EXOSC6: variants seen among roughly 807,000 people sequenced by gnomAD.
EXOSC6 encodes the protein exosome complex component MTR3.
Under a neutral mutation model 16.7 loss-of-function variants are expected in EXOSC6, and 21 were observed. The observed-to-expected ratio is 1.26, with a 90% CI of 0.89 to 1.82. The LOEUF is 1.82. EXOSC6 is among the 40% of genes most tolerant of loss of function. The pLI, the probability that EXOSC6 is intolerant of heterozygous loss-of-function variation, is 0.00. For missense variants in EXOSC6, 538 were observed against 415.7 expected, an observed-to-expected ratio of 1.29 and a Z score of -2.56; for synonymous variants, 297 against 217.1, an observed-to-expected ratio of 1.37 and a Z score of -3.24.
In EXOSC6 at chr16:70,246,950, C is replaced by T; in HGVS notation, c.*4132G>A. ...AGTTCCTCACACACACAACCATCCC[C>T]CTCACCCCATGATCTGAAAAGCGAA... is the stretch of plus-strand genomic sequence containing the variant. On this transcript the variant is annotated 3_prime_UTR_variant, in exon 1 of 1. Transcript: ENST00000435634. The T allele has an allele frequency of 1.8e-6, 1 of 551,368 alleles. No homozygotes were observed. Among genetic ancestry groups the T allele is most frequent in the South Asian group, 1.4e-5 (1 of 70,208 alleles). The allele number at this position is 551,368 out of a possible 1,614,324, so 34.2% of individuals were successfully genotyped here.
rs1173131980 is a variant in EXOSC6, at chr16:70,247,817, G to A, written c.*3265C>T. On this transcript the variant is annotated 3_prime_UTR_variant, in exon 1 of 1. Coordinates refer to ENST00000435634, the MANE Select transcript of EXOSC6 (RefSeq NM_058219.3). ...CACCTGTAACCCCAGCACTTTGGGA[G>A]GACGAGGCAGGTGGATCACTTGAGG... The A allele has an allele frequency of 6.6e-6, 1 of 152,194 alleles. No homozygotes were observed. The highest frequency in any genetic ancestry group is 1.5e-5 in the Non-Finnish European group (1 of 68,042). The allele number at this position is 152,194 out of a possible 1,614,324, so 9.4% of individuals were successfully genotyped here.
chr16:70,251,401 AGCGCGGCGGCGGT>A lies in EXOSC6; in HGVS notation c.487_499del (p.Thr163SerfsTer53). ...CTCCACGCCCGCGTCGGCCAGGGCGAGCGCGGCGGCGGTGAGCGCGGCGGCCAGGGCCGAGCCA... is the reference window on the plus strand; with the variant it reads ...CTCCACGCCCGCGTCGGCCAGGGCGAGAGCGCGGCGGCCAGGGCCGAGCCA... On this transcript the variant is annotated frameshift_variant, in exon 1 of 1. Coordinates refer to ENST00000435634, the MANE Select transcript of EXOSC6 (RefSeq NM_058219.3). LOFTEE classifies it high-confidence loss of function. 7.4e-7 allele frequency: 1 copy of A among 1,343,208 alleles called. No homozygotes were observed. Among genetic ancestry groups the A allele is most frequent in the Admixed American group, 3.8e-5 (1 of 26,364 alleles). The allele number at this position is 1,343,208 out of a possible 1,614,324, so 83.2% of individuals were successfully genotyped here. A position where few individuals can be genotyped will look rare whatever the true frequency, so the allele number is the denominator to read the frequency against.
Position 70,251,076 on chromosome 16 carries a change from T to G in EXOSC6, c.*6A>C. On this transcript the variant is annotated 3_prime_UTR_variant, in exon 1 of 1. Transcript: ENST00000435634. Reference sequence around the variant, plus strand: ...GCTTGCGTCCGTAGTTGCTCAGGCTTCTGGTTCAGGGCTGGGCGGCGGCGC... The same window carrying G: ...GCTTGCGTCCGTAGTTGCTCAGGCTGCTGGTTCAGGGCTGGGCGGCGGCGC... 1 of 1,460,820 alleles carries G rather than the reference T, an allele frequency of 6.8e-7. No individual in the cohort carries two copies. Among genetic ancestry groups the G allele is most frequent in the Non-Finnish European group, 8.9e-7 (1 of 1,119,108 alleles). 90.5% of individuals were successfully genotyped at this position (1,460,820 alleles called of 1,614,324 possible).
chr16:70,251,504 C>A lies in EXOSC6; in HGVS notation c.397G>T (p.Ala133Ser). 1 of 1,288,242 alleles carries A rather than the reference C, an allele frequency of 7.8e-7. No homozygotes were observed. Among genetic ancestry groups the A allele is most frequent in the Non-Finnish European group, 9.9e-7 (1 of 1,014,998 alleles). 79.8% of individuals were successfully genotyped at this position (1,288,242 alleles called of 1,614,324 possible). ...CGCGGGTAGCGGCCCAGGCGCACAG[C>A]CGGCTCCAGCGCCTCCTGCAGCGCC... ...ALALQEALEPAVRLGRYPRAQ... is the reference protein window; with the variant it reads ...ALALQEALEPSVRLGRYPRAQ... Residue 133 changes from alanine (A) to serine (S), a missense_variant, in exon 1 of 1, where the codon GCT becomes TCT. Transcript: ENST00000435634.
At position 70,249,275 on chromosome 16, in the gene EXOSC6, G is replaced by C. The variant is rs1482467327; in HGVS notation, c.*1807C>G. Reference sequence around the variant, plus strand: ...TTAGCCAGGCTAATGGCACACTCCTGTAATACCAGCTACTTAGGAGGCTGA... The same window carrying C: ...TTAGCCAGGCTAATGGCACACTCCTCTAATACCAGCTACTTAGGAGGCTGA... On this transcript the variant is annotated 3_prime_UTR_variant, in exon 1 of 1. Coordinates refer to ENST00000435634, the MANE Select transcript of EXOSC6 (RefSeq NM_058219.3). The C allele has an allele frequency of 6.6e-6, 1 of 151,980 alleles. No homozygotes were observed. Among genetic ancestry groups the C allele is most frequent in the Non-Finnish European group, 1.5e-5 (1 of 68,142 alleles). 9.4% of individuals were successfully genotyped at this position (151,980 alleles called of 1,614,324 possible). A position where few individuals can be genotyped will look rare whatever the true frequency, so the allele number is the denominator to read the frequency against.
rs1426814277 is a variant in EXOSC6, at chr16:70,248,242, G to A, written c.*2840C>T. 6.6e-6 allele frequency: 1 copy of A among 152,038 alleles called. No individual in the cohort carries two copies. Among genetic ancestry groups the A allele is most frequent in the Non-Finnish European group, 1.5e-5 (1 of 68,014 alleles). 9.4% of individuals were successfully genotyped at this position (152,038 alleles called of 1,614,324 possible). A position where few individuals can be genotyped will look rare whatever the true frequency, so the allele number is the denominator to read the frequency against. ...ATGATTACAATATTCTTGTTATACA[G>A]AAGAAAAACCTTATTCTTGGGAGAT... On this transcript the variant is annotated 3_prime_UTR_variant, in exon 1 of 1. Coordinates refer to ENST00000435634, the MANE Select transcript of EXOSC6 (RefSeq NM_058219.3).
Position 70,251,728 on chromosome 16 carries a change from C to T in EXOSC6, c.173G>A (p.Gly58Glu), listed in dbSNP as rs1959828075. Reference protein sequence around the residue: ...QAKGSAYLEAGGTKVLCAVSG... With the variant: ...QAKGSAYLEAEGTKVLCAVSG... ...CACGGCACACAGCACCTTGGTGCCT[C>T]CCGCCTCCAGGTAGGCCGAGCCCTT... Residue 58 changes from glycine (G) to glutamate (E), a missense_variant, in exon 1 of 1, where the codon GGA (glycine) becomes GAA (glutamate). By Grantham distance (98) the Gly-to-Glu change is moderately conservative. Coordinates refer to ENST00000435634, the MANE Select transcript of EXOSC6 (RefSeq NM_058219.3). 1.4e-6 allele frequency: 2 copies of T among 1,393,674 alleles called. No homozygotes were observed. The highest frequency in any genetic ancestry group is 1.8e-6 in the Non-Finnish European group (2 of 1,085,164). The allele number at this position is 1,393,674 out of a possible 1,614,324, so 86.3% of individuals were successfully genotyped here.
chr16:70,247,922 G>C lies in EXOSC6; in HGVS notation c.*3160C>G, dbSNP rs1959724910. 6.6e-6 allele frequency: 1 copy of C among 152,082 alleles called. No homozygotes were observed. Among genetic ancestry groups the C allele is most frequent in the South Asian group, 2.1e-4 (1 of 4,836 alleles). 9.4% of individuals were successfully genotyped at this position (152,082 alleles called of 1,614,324 possible). Reference sequence around the variant, plus strand: ...ATATAAAAATTAGCAGAGCACAGTGGCACCTGCCTGTAATCCCAGCTACTC... The same window carrying C: ...ATATAAAAATTAGCAGAGCACAGTGCCACCTGCCTGTAATCCCAGCTACTC... On this transcript the variant is annotated 3_prime_UTR_variant, in exon 1 of 1. Transcript: ENST00000435634.
Position 70,251,869 on chromosome 16 carries a change from G to A in EXOSC6, c.32C>T (p.Pro11Leu), listed in dbSNP as rs776267407. The A allele has an allele frequency of 1.9e-6, 3 of 1,551,254 alleles. No individual in the cohort carries two copies. Among genetic ancestry groups the A allele is most frequent in the East Asian group, 2.6e-5 (1 of 38,746 alleles). Residue 11 changes from proline (P) to leucine (L), a missense_variant, in exon 1 of 1, where the codon CCT becomes CTT. Pro to Leu is a moderately conservative substitution (Grantham distance 98). Transcript: ENST00000435634. ...CAGCTGCGGCGGCTGCGATTCTTCA[G>A]GGCCGCGGATGCGGCGGTGATCCCC... is the stretch of plus-strand genomic sequence containing the variant. MPGDHRRIRG[P>L]EESQPPQLYA...
chr16:70,251,096 C>T lies in EXOSC6; in HGVS notation c.805G>A (p.Ala269Thr). 2.0e-6 allele frequency: 3 copies of T among 1,482,236 alleles called. No homozygotes were observed. Among genetic ancestry groups the T allele is most frequent in the South Asian group, 1.3e-5 (1 of 74,522 alleles). 91.8% of individuals were successfully genotyped at this position (1,482,236 alleles called of 1,614,324 possible). A position where few individuals can be genotyped will look rare whatever the true frequency, so the allele number is the denominator to read the frequency against. Residue 269 changes from alanine to threonine, a missense_variant, in exon 1 of 1, where the codon GCC (alanine) becomes ACC (threonine). Physicochemically the swap from Ala to Thr is moderately conservative, Grantham distance 58. Coordinates refer to ENST00000435634, the MANE Select transcript of EXOSC6 (RefSeq NM_058219.3). Reference sequence around the variant, plus strand: ...AGGCTTCTGGTTCAGGGCTGGGCGGCGGCGCCCCTGCGGCGGGCGGCCCGC... The same window carrying T: ...AGGCTTCTGGTTCAGGGCTGGGCGGTGGCGCCCCTGCGGCGGGCGGCCCGC... ...LVRAARRRGA[A>T]AQP
rs1013343245 is a variant in EXOSC6, at chr16:70,247,242, A to C, written c.*3840T>G. 1 of 154,560 alleles carries C rather than the reference A, an allele frequency of 6.5e-6. No homozygotes were observed. Among genetic ancestry groups the C allele is most frequent in the African/African-American group, 2.4e-5 (1 of 41,408 alleles). The allele number at this position is 154,560 out of a possible 1,614,324, so 9.6% of individuals were successfully genotyped here. ...CAGCCAGACTCCATCTCAAAAAAAAAAATAATTAATAAATAAATAAAATAA... is the reference window on the plus strand; with the variant it reads ...CAGCCAGACTCCATCTCAAAAAAAACAATAATTAATAAATAAATAAAATAA... On this transcript the variant is annotated 3_prime_UTR_variant, in exon 1 of 1. Transcript: ENST00000435634.
In EXOSC6 at chr16:70,249,027, A is replaced by AC. The variant is rs1165681293; in HGVS notation, c.*2054_*2055insG. On this transcript the variant is annotated 3_prime_UTR_variant, in exon 1 of 1. Transcript: ENST00000435634. Reference sequence around the variant, plus strand: ...TATCAAAAACTGTAAAAAAAAAAAAAAAAAACCCTAATATCAGATATTCCA... The same window carrying AC: ...TATCAAAAACTGTAAAAAAAAAAAAACAAAAACCCTAATATCAGATATTCCA... 6.7e-6 allele frequency: 1 copy of AC among 149,642 alleles called. No individual in the cohort carries two copies. The highest frequency in any genetic ancestry group is 1.5e-5 in the Non-Finnish European group (1 of 67,420). 9.3% of individuals were successfully genotyped at this position (149,642 alleles called of 1,614,324 possible). A position where few individuals can be genotyped will look rare whatever the true frequency, so the allele number is the denominator to read the frequency against.
At position 70,251,436 on chromosome 16, in the gene EXOSC6, G is replaced by A. The variant is rs1959816787; in HGVS notation, c.465C>T (p.Gly155=). The A allele has an allele frequency of 2.0e-5, 27 of 1,347,684 alleles. No individual in the cohort carries two copies. The East Asian group carries it at 8.3e-4, about 41-fold the overall frequency. The allele number at this position is 1,347,684 out of a possible 1,614,324, so 83.5% of individuals were successfully genotyped here. A position where few individuals can be genotyped will look rare whatever the true frequency, so the allele number is the denominator to read the frequency against. Residue 155 remains glycine, a synonymous_variant, in exon 1 of 1, where the codon GGC becomes GGT. Coordinates refer to ENST00000435634, the MANE Select transcript of EXOSC6 (RefSeq NM_058219.3). Reference sequence around the variant, plus strand: ...CGGTGAGCGCGGCGGCCAGGGCCGAGCCACCGTCCTCCAGCAGCAGCGCCG... The same window carrying A: ...CGGTGAGCGCGGCGGCCAGGGCCGAACCACCGTCCTCCAGCAGCAGCGCCG... ...EVSALLLEDG[G]SALAAALTAA...
Position 70,251,155 on chromosome 16 carries a change from T to A in EXOSC6, c.746A>T (p.Gln249Leu). 6.5e-7 allele frequency: 1 copy of A among 1,533,990 alleles called. No homozygotes were observed. Among genetic ancestry groups the A allele is most frequent in the Non-Finnish European group, 8.7e-7 (1 of 1,150,552 alleles). ...CTGCTGCAGCACGGGGTAGAGGCGC[T>A]GGCAGCCCTCGAGGCCCAGGCGTAC... ...EAVRLGLEGC[Q>L]RLYPVLQQSL... Residue 249 changes from glutamine to leucine, a missense_variant, in exon 1 of 1, where the codon CAG becomes CTG. Coordinates refer to ENST00000435634, the MANE Select transcript of EXOSC6 (RefSeq NM_058219.3).
chr16:70,251,423 C>T lies in EXOSC6; in HGVS notation c.478G>A (p.Ala160Thr), dbSNP rs755891883. Residue 160 changes from alanine to threonine, a missense_variant, in exon 1 of 1, where the codon GCC (alanine) becomes ACC (threonine). Transcript: ENST00000435634. The stretch of plus-strand genomic sequence containing the variant: ...GCGAGCGCGGCGGCGGTGAGCGCGG[C>T]GGCCAGGGCCGAGCCACCGTCCTCC... The part of the protein sequence containing the change: ...LLEDGGSALA[A>T]ALTAAALALA... The T allele has an allele frequency of 4.7e-5, 63 of 1,329,524 alleles. No individual in the cohort carries two copies. The highest frequency in any genetic ancestry group is 1.7e-5 in the Non-Finnish European group (18 of 1,046,260). 82.4% of individuals were successfully genotyped at this position (1,329,524 alleles called of 1,614,324 possible). A position where few individuals can be genotyped will look rare whatever the true frequency, so the allele number is the denominator to read the frequency against.
At position 70,251,079 on chromosome 16, in the gene EXOSC6, G is replaced by T; in HGVS notation, c.*3C>A. ...TGCGTCCGTAGTTGCTCAGGCTTCT[G>T]GTTCAGGGCTGGGCGGCGGCGCCCC... is the stretch of plus-strand genomic sequence containing the variant. On this transcript the variant is annotated 3_prime_UTR_variant, in exon 1 of 1. Transcript: ENST00000435634. 1 of 1,464,818 alleles carries T rather than the reference G, an allele frequency of 6.8e-7. No individual in the cohort carries two copies. The highest frequency in any genetic ancestry group is 8.9e-7 in the Non-Finnish European group (1 of 1,121,396). 90.7% of individuals were successfully genotyped at this position (1,464,818 alleles called of 1,614,324 possible).
At position 70,247,594 on chromosome 16, in the gene EXOSC6, G is replaced by C. The variant is rs1959719492; in HGVS notation, c.*3488C>G. 1 of 151,952 alleles carries C rather than the reference G, an allele frequency of 6.6e-6. No homozygotes were observed. The highest frequency in any genetic ancestry group is 2.4e-5 in the African/African-American group (1 of 41,348). 9.4% of individuals were successfully genotyped at this position (151,952 alleles called of 1,614,324 possible). On this transcript the variant is annotated 3_prime_UTR_variant, in exon 1 of 1. Coordinates refer to ENST00000435634, the MANE Select transcript of EXOSC6 (RefSeq NM_058219.3). ...CACACATGAATAACATGCAGGCTCA[G>C]GTTACCATTATACATAAATTTTTAA...
At position 70,249,013 on chromosome 16, in the gene EXOSC6, G is replaced by GAAAAAAAAAAAAAAAA. The variant is rs1332549647; in HGVS notation, c.*2068_*2069insTTTTTTTTTTTTTTTT. The GAAAAAAAAAAAAAAAA allele has an allele frequency of 1.1e-5, 1 of 89,552 alleles. No individual in the cohort carries two copies. Among genetic ancestry groups the GAAAAAAAAAAAAAAAA allele is most frequent in the African/African-American group, 6.0e-5 (1 of 16,542 alleles). 5.5% of individuals were successfully genotyped at this position (89,552 alleles called of 1,614,324 possible). ...CCCAAAATAAAGCATATCAAAAACTGTAAAAAAAAAAAAAAAAAACCCTAA... is the reference window on the plus strand; with the variant it reads ...CCCAAAATAAAGCATATCAAAAACTGAAAAAAAAAAAAAAAATAAAAAAAAAAAAAAAAAACCCTAA... On this transcript the variant is annotated 3_prime_UTR_variant, in exon 1 of 1. Transcript: ENST00000435634.
rs879520262 is a variant in EXOSC6 at position 70,251,330 on chromosome 16, G to A, written c.571C>T (p.Pro191Ser). 60 of 1,379,756 alleles carry A rather than the reference G, an allele frequency of 4.3e-5. No individual in the cohort carries two copies. Among genetic ancestry groups the A allele is most frequent in the Non-Finnish European group, 5.5e-5 (59 of 1,073,054 alleles). The allele number at this position is 1,379,756 out of a possible 1,614,324, so 85.5% of individuals were successfully genotyped here. A position where few individuals can be genotyped will look rare whatever the true frequency, so the allele number is the denominator to read the frequency against. The stretch of plus-strand genomic sequence containing the variant: ...GGGTCCAGGAGCCAGGTGGGCGCGG[G>A]CCCCGGCGCGAGGCTGAGGCCGCAG... ...VGCGLSLAPG[P>S]APTWLLDPTR... Residue 191 changes from proline (P) to serine (S), a missense_variant, in exon 1 of 1, where the codon CCC (proline) becomes TCC (serine). Pro to Ser is a moderately conservative substitution (Grantham distance 74). Transcript: ENST00000435634.
Sources: gnomAD v4.1 joint callset for allele counts on GRCh38, gnomAD v4.1.1 for gene constraint, MANE v1.5 for transcripts, NCBI Gene and HGNC (gene_info 2026-07-23, HGNC 2026-07-21) for gene names.